Variants in CIT observed in about 807,000 individuals in gnomAD.
The protein encoded by CIT is citron Rho-interacting kinase.
In CIT, 79 loss-of-function variants were observed where a neutral mutation model predicts 272.7. The ratio of observed to expected loss-of-function variants is 0.29; its 90% CI spans 0.24 to 0.35. The LOEUF (loss-of-function observed/expected upper bound fraction) is 0.35. Among genes scored for constraint, CIT ranks in the 10% least tolerant of loss-of-function variants. CIT has a pLI of 1.00. For synonymous variants in CIT, 948 were observed against 995.6 expected (o/e 0.95, Z 0.90); for missense variants, 1,909 against 2,618.3 (o/e 0.73, Z 5.91).
intron 17 of CIT, 41 bp downstream of exon 17, chr12:119,772,729 G>C (rs752445655): frequency 2.2e-5 from 34 of 1,570,904 alleles, no homozygotes; most frequent in Middle Eastern, 1.7e-4. Flanking sequence ...ACAGCCAAAG[G>C]CCGAGGCCGC....
At chr12:119,810,133 C>G (rs768198388) in intron 9 of CIT, among the ~76,000 whole-genome samples, 3 of 152,192 alleles carry the variant, frequency 2.0e-5, no homozygotes, top group Non-Finnish European at 2.9e-5. Context: ...AGCCAGTCAG[C>G]GAGAAGTTCC....
chr12:119,816,317 T>C (rs141618786), intron 9 of CIT, among the ~76,000 whole-genome samples: 2 of 152,296 alleles, frequency 1.3e-5, no homozygotes, highest in African/African-American at 2.4e-5. Flanking sequence ...ATATGAACGA[T>C]GTAATGTCCA....
At chr12:119,732,641 C>G (rs529314321) in intron 26 of CIT, among the ~76,000 whole-genome samples, 2 of 152,214 alleles carry the variant, frequency 1.3e-5, no homozygotes, top group African/African-American at 4.8e-5. Flanking sequence ...TACCTCCAAA[C>G]TTTTGGAGCT....
chr12:119,769,927 G>A (rs1005805119), intron 18 of CIT, among the ~76,000 whole-genome samples: 1 of 152,204 alleles, frequency 6.6e-6, no homozygotes, highest in Non-Finnish European at 1.5e-5. Flanking sequence ...TGTGAAGAGA[G>A]AGAGATGAAG....
intron 4 of CIT, among the ~76,000 whole-genome samples, chr12:119,852,290 T>C (rs1210216476): frequency 2.0e-5 from 3 of 152,154 alleles, no homozygotes; most frequent in East Asian, 3.8e-4. Flanking sequence ...AACTGGCCTA[T>C]AATCATCAGA....
At position 119,738,218 on chromosome 12, in the gene CIT, A is replaced by G. The variant is rs1958881232; in HGVS notation, c.2959-2861T>C. Among the ~76,000 whole-genome samples, 2 of 152,224 alleles carry G rather than the reference A, an allele frequency of 1.3e-5. 1 individual carries two copies. Among genetic ancestry groups the G allele is most frequent in the African/African-American group, 4.8e-5 (2 of 41,462 alleles). On this transcript the variant is annotated intron_variant, in intron 24 of 47. Transcript: ENST00000392521. The stretch of plus-strand genomic sequence containing the variant: ...CATACTGCCTGTCTAAAATAGGGAT[A>G]GAAGTGTTTATTCACTTTTTTATTC...
At chr12:119,786,861 C>T (rs749835191) in intron 10 of CIT, among the ~76,000 whole-genome samples, 1 of 152,170 alleles carries the variant, frequency 6.6e-6, no homozygotes, top group African/African-American at 2.4e-5. Context: ...GTGGCACATG[C>T]CTATAATCTC....
intron 9 of CIT, among the ~76,000 whole-genome samples, chr12:119,820,219 T>C (rs1967571347): frequency 6.6e-6 from 1 of 152,146 alleles, no homozygotes; most frequent in Non-Finnish European, 1.5e-5. Context: ...TGACAAATAG[T>C]TTTTCAAACA....
At chr12:119,780,482 CGGCGT>C (rs1566033144) in intron 13 of CIT, among the ~76,000 whole-genome samples, 1 of 151,734 alleles carries the variant, frequency 6.6e-6, no homozygotes, top group African/African-American at 2.4e-5. Context: ...CTGGGTGTGG[CGGCGT>C]GCACCTGTAG....
intron 44 of CIT, chr12:119,699,817 T>A: frequency 6.6e-6 from 3 of 456,086 alleles, no homozygotes; most frequent in Middle Eastern, 3.3e-4. Flanking sequence ...AGCTTTCAGA[T>A]GGCTTGTTAT....
At chr12:119,833,436 G>T (rs557806224) in intron 6 of CIT, among the ~76,000 whole-genome samples, 1 of 152,226 alleles carries the variant, frequency 6.6e-6, no homozygotes, top group Admixed American at 6.5e-5. Context: ...GGAGGACAAG[G>T]TGGGTGGATC....
intron 9 of CIT, among the ~76,000 whole-genome samples, chr12:119,809,187 G>C (rs998320877): frequency 1.3e-5 from 2 of 152,294 alleles, no homozygotes; most frequent in Admixed American, 1.3e-4. Flanking sequence ...GGAAGAAAGT[G>C]AAAGTGAAGT....
chr12:119,778,490 A>C (rs900788032), intron 13 of CIT, among the ~76,000 whole-genome samples: 2 of 152,216 alleles, frequency 1.3e-5, no homozygotes, highest in African/African-American at 4.8e-5. Flanking sequence ...CATCTCTGAG[A>C]TCCACTCTCC....
At chr12:119,831,962 C>A (rs528800890) in intron 7 of CIT, among the ~76,000 whole-genome samples, 22 of 152,322 alleles carry the variant, frequency 1.4e-4, no homozygotes, top group Non-Finnish European at 2.1e-4. Context: ...TGAAGAGCAG[C>A]TTCTCTAACC....
intron 2 of CIT, among the ~76,000 whole-genome samples, chr12:119,875,418 T>C (rs956082779): frequency 6.6e-6 from 1 of 152,170 alleles, no homozygotes; most frequent in African/African-American, 2.4e-5. Flanking sequence ...CTGCACAGTG[T>C]CTTTTTTCCA....
intron 2 of CIT, among the ~76,000 whole-genome samples, chr12:119,869,864 C>A (rs1594013461): frequency 6.6e-6 from 1 of 152,184 alleles, no homozygotes; most frequent in African/African-American, 2.4e-5. Flanking sequence ...GGCAACACTG[C>A]CTCGCCTTCC....
rs915843916 is a variant in CIT at position 119,718,786 on chromosome 12, C to A, written c.3916G>T (p.Ala1306Ser). 6.2e-7 allele frequency: 1 copy of A among 1,614,172 alleles called. No homozygotes were observed. The highest frequency in any genetic ancestry group is 1.1e-5 in the South Asian group (1 of 91,084). Residue 1306 changes from alanine to serine, a missense_variant, in exon 31 of 48, where the codon GCC becomes TCC. Coordinates refer to ENST00000392521, the MANE Select transcript of CIT (RefSeq NM_001206999.2). This position sits in a 1 kb window ranked among gnomAD's most constrained non-coding sequence, Gnocchi z 4.8. ...VPLQYNELKL[A>S]LEKEKARCAE... is the part of the protein sequence containing the mutation. ...CAGCGAGCTTTCTCCTTCTCCAGGGCCAGCTTCAGCTCATTGTACTGCAGA... is the reference window on the plus strand; with the variant it reads ...CAGCGAGCTTTCTCCTTCTCCAGGGACAGCTTCAGCTCATTGTACTGCAGA...
chr12:119,748,837 C>G (rs769295782), intron 23 of CIT, among the ~76,000 whole-genome samples: 1 of 152,184 alleles, frequency 6.6e-6, no homozygotes, highest in Non-Finnish European at 1.5e-5. Flanking sequence ...CCGGTGCACA[C>G]AGAGCACACA....
At chr12:119,816,956 C>A (rs1181434204) in intron 9 of CIT, among the ~76,000 whole-genome samples, 1 of 152,204 alleles carries the variant, frequency 6.6e-6, no homozygotes, top group Non-Finnish European at 1.5e-5. Flanking sequence ...GCCCCCACAG[C>A]AAAGAATTAT....
Sources: allele counts gnomAD v4.1 joint callset (sites outside exome capture counted in the v4.1 genomes callset), GRCh38; gene constraint gnomAD v4.1.1; non-coding constraint Gnocchi (gnomAD v3.1); transcripts MANE v1.5; gene names NCBI Gene and HGNC (gene_info 2026-07-23, HGNC 2026-07-21).